MRPL39: variants seen among roughly 807,000 people sequenced by gnomAD.
The protein encoded by MRPL39 is large ribosomal subunit protein mL39.
A neutral mutation model predicts 44.5 loss-of-function variants in MRPL39; 35 were observed. That is an observed-to-expected ratio of 0.79 (90% CI 0.60 to 1.04). MRPL39 has a LOEUF of 1.04. Among genes scored for constraint, MRPL39 ranks in the 50% least tolerant of loss-of-function variants. The pLI is 0.00. For missense variants in MRPL39, 433 were observed against 413.5 expected, an observed-to-expected ratio of 1.05 and a Z score of -0.41; for synonymous variants, 139 against 136.1, an observed-to-expected ratio of 1.02 and a Z score of -0.15.
chr21:25,607,761 A>G (rs758376716), upstream of MRPL39, among the ~76,000 whole-genome samples: 19 of 152,070 alleles, frequency 1.2e-4, no homozygotes, highest in Non-Finnish European at 2.2e-4. Flanking sequence ...CTCTGCAGGG[A>G]AACAGAGTTC....
chr21:25,585,848 T>G, intron 9 of MRPL39, 94 bp from the exon 10 acceptor site: 1 of 836,494 alleles, frequency 1.2e-6, no homozygotes, highest in Non-Finnish European at 2.0e-6. Context: ...CCTCTTATAA[T>G]GACCCTTTAT....
At chr21:25,595,576 T>C (rs1282888032) in intron 6 of MRPL39, among the ~76,000 whole-genome samples, 2 of 152,222 alleles carry the variant, frequency 1.3e-5, no homozygotes, top group African/African-American at 4.8e-5. Context: ...TAAAGTACCA[T>C]GGTGCACTTA....
intron 7 of MRPL39, 112 bp from the exon 8 acceptor site, chr21:25,593,077 T>C (rs2123232729): frequency 1.1e-6 from 1 of 921,224 alleles, no homozygotes. Flanking sequence ...TCAAGAACAT[T>C]ATATATGGTT....
At position 25,603,874 on chromosome 21, in the gene MRPL39, G is replaced by C. The variant is rs758557824; in HGVS notation, c.342C>G (p.Asp114Glu). ...AGGACTTTGTTAAAGGCTTATACAT[G>C]TCCCAAGGCTGTCCATCCACCAGAG... is the stretch of plus-strand genomic sequence containing the variant. ...ILALVDGQPW[D>E]MYKPLTKSCE... is the part of the protein sequence containing the mutation. The change falls in exon 3 of 10, where the codon GAC (aspartate) becomes GAG (glutamate). Residue 114 changes from aspartate to glutamate, a missense_variant. Asp to Glu is a conservative substitution (Grantham distance 45, BLOSUM62 2). Transcript: ENST00000352957. 5.6e-6 allele frequency: 9 copies of C among 1,612,724 alleles called. No individual in the cohort carries two copies. Among genetic ancestry groups the C allele is most frequent in the Non-Finnish European group, 7.6e-6 (9 of 1,179,336 alleles).
rs554674016 is a variant in MRPL39, at chr21:25,597,260, A to C, written c.701+42T>G. The stretch of plus-strand genomic sequence containing the variant: ...CTGAATTTTCTTTATTACATATAAT[A>C]CTGGGAGAGTTAGCCTTGATTTAAA... On this transcript the variant is annotated intron_variant, in intron 6 of 9. Coordinates refer to ENST00000352957, the MANE Select transcript of MRPL39 (RefSeq NM_017446.4). The C allele has an allele frequency of 5.3e-5, 67 of 1,266,290 alleles. 2 individuals carry two copies. In the South Asian group the frequency reaches 8.4e-4, roughly 16 times the overall value. 78.4% of individuals were successfully genotyped at this position (1,266,290 alleles called of 1,614,324 possible).
At position 25,586,647 on chromosome 21, in the gene MRPL39, T is replaced by C. The variant is rs368031444; in HGVS notation, c.970-893A>G. ...TTTTGGACTGACTCTTTACCTATCC[T>C]ACATGTGACCTGTACATTCAAATTC... On this transcript the variant is annotated intron_variant, in intron 9 of 9. Coordinates refer to ENST00000352957, the MANE Select transcript of MRPL39 (RefSeq NM_017446.4). Among the ~76,000 whole-genome samples the C allele has an allele frequency of 1.4e-4, 22 of 152,364 alleles. No individual in the cohort carries two copies. The East Asian group carries it at 1.5e-3, about 11-fold the overall frequency.
At chr21:25,592,547 CT>C (rs368818501) in intron 8 of MRPL39, among the ~76,000 whole-genome samples, 9 of 152,100 alleles carry the variant, frequency 5.9e-5, no homozygotes, top group African/African-American at 2.2e-4. Flanking sequence ...CTAATACCCC[CT>C]CTGTCAATGT....
At chr21:25,588,738 CTT>C in intron 9 of MRPL39, 95 bp downstream of exon 9, 7 of 1,166,570 alleles carry the variant, frequency 6.0e-6, no homozygotes, top group Middle Eastern at 2.0e-4. Context: ...TTTCCTTTCT[CTT>C]TGTTTCTTTC....
At position 25,592,852 on chromosome 21, in the gene MRPL39, A is replaced by G. The variant is rs1454252226; in HGVS notation, c.881T>C (p.Ile294Thr). Residue 294 changes from isoleucine (I) to threonine (T), a missense_variant, in exon 8 of 10, where the codon ATA becomes ACA. Physicochemically the swap from Ile to Thr is moderately conservative, Grantham distance 89. Coordinates refer to ENST00000352957, the MANE Select transcript of MRPL39 (RefSeq NM_017446.4). ...HNLQPTQPSL[I>T]RRFQGVSLPV... ...TAAAGACACGCCCTGGAATCTTCGT[A>G]TGAGACTTGGCTGGGTGGGTTGAAG... 3 of 1,612,762 alleles carry G rather than the reference A, an allele frequency of 1.9e-6. No individual in the cohort carries two copies. The highest frequency in any genetic ancestry group is 2.2e-5 in the South Asian group (2 of 91,038).
intron 5 of MRPL39, 84 bp downstream of exon 5, chr21:25,599,715 C>A: frequency 9.2e-7 from 1 of 1,087,600 alleles, no homozygotes. Flanking sequence ...ACATGCAGTA[C>A]CATTCAACAA....
intron 8 of MRPL39, among the ~76,000 whole-genome samples, chr21:25,589,150 T>G (rs2031095764): frequency 6.6e-6 from 1 of 152,190 alleles, no homozygotes; most frequent in Non-Finnish European, 1.5e-5. Flanking sequence ...GAACGTGCCC[T>G]TCTTTCACTT....
intron 4 of MRPL39, 92 bp downstream of exon 4, chr21:25,601,276 G>T: frequency 1.6e-6 from 1 of 637,798 alleles, no homozygotes; most frequent in Non-Finnish European, 2.5e-6. Context: ...TATGTATAAT[G>T]GTAATTTATA....
intron 6 of MRPL39, among the ~76,000 whole-genome samples, chr21:25,596,730 A>C (rs2031373658): frequency 6.6e-6 from 1 of 152,004 alleles, no homozygotes; most frequent in South Asian, 2.1e-4. Flanking sequence ...ATATTGTATT[A>C]GATTAATGTT....
chr21:25,587,894 G>A, intron 9 of MRPL39: 1 of 830,600 alleles, frequency 1.2e-6, no homozygotes, highest in Non-Finnish European at 2.0e-6. Context: ...GGCATTGTGG[G>A]AAATTAGGAT....
chr21:25,606,767 A>G, intron 1 of MRPL39, 112 bp from the exon 2 acceptor site: 2 of 802,302 alleles, frequency 2.5e-6, no homozygotes, highest in Non-Finnish European at 2.0e-6. Flanking sequence ...ACACCAGCGG[A>G]AGAAACAGAG....
rs1291429196 is a variant in MRPL39 at position 25,606,415 on chromosome 21, A to C, written c.280+34T>G. 5 of 1,515,994 alleles carry C rather than the reference A, an allele frequency of 3.3e-6. No homozygotes were observed. The Admixed American group carries it at 9.9e-5, about 30-fold the overall frequency. The allele number at this position is 1,515,994 out of a possible 1,614,324, so 93.9% of individuals were successfully genotyped here. ...AGTGCTTCCACACAGCTTAAGTAAAAGGGTCAAAACTGTAACCTGATTCTG... is the reference window on the plus strand; with the variant it reads ...AGTGCTTCCACACAGCTTAAGTAAACGGGTCAAAACTGTAACCTGATTCTG... On this transcript the variant is annotated intron_variant, in intron 2 of 9. Transcript: ENST00000352957.
At chr21:25,607,535 A>C, upstream of MRPL39, 1 of 1,560,248 alleles carries the variant, frequency 6.4e-7, no homozygotes, top group Non-Finnish European at 8.7e-7. Flanking sequence ...CGGAAACCGA[A>C]CGCGCACTCG....
intron 9 of MRPL39, among the ~76,000 whole-genome samples, chr21:25,587,992 A>C (rs541191111): frequency 5.3e-5 from 8 of 152,308 alleles, no homozygotes; most frequent in Non-Finnish European, 1.0e-4. Context: ...ATGAAATAGG[A>C]AACAGGAATA....
intron 3 of MRPL39, among the ~76,000 whole-genome samples, chr21:25,602,342 C>T (rs111803006): frequency 5.3e-5 from 8 of 152,312 alleles, no homozygotes; most frequent in African/African-American, 1.9e-4. Context: ...GGTCAAGCTG[C>T]TGAACTTCTC....
Sources: allele counts gnomAD v4.1 joint callset (sites outside exome capture counted in the v4.1 genomes callset), GRCh38; gene constraint gnomAD v4.1.1; transcripts MANE v1.5; gene names NCBI Gene and HGNC (gene_info 2026-07-23, HGNC 2026-07-21).